EFCAB6: variants seen among roughly 807,000 people sequenced by gnomAD.
EFCAB6 encodes the protein EF-hand calcium-binding domain-containing protein 6.
In EFCAB6, 156 loss-of-function variants were observed where a neutral mutation model predicts 169.8. That is an observed-to-expected ratio of 0.92 (90% CI 0.81 to 1.05). The LOEUF is 1.05. Among genes scored for constraint, EFCAB6 ranks in the 50% least tolerant of loss-of-function variants. The pLI, the probability that EFCAB6 is intolerant of heterozygous loss-of-function variation, is 0.00. For synonymous variants in EFCAB6, 698 were observed against 676.4 expected, an observed-to-expected ratio of 1.03 and a Z score of -0.50; for missense variants, 1,800 against 1,829.1, an observed-to-expected ratio of 0.98 and a Z score of 0.29.
intron 27 of EFCAB6, chr22:43,540,590 T>C (rs2047656847): frequency 2.1e-6 from 3 of 1,458,290 alleles, no homozygotes; most frequent in East Asian, 5.5e-5. Flanking sequence ...CTGCAGGACA[T>C]TTTTTAATTG....
chr22:43,545,073 G>A (rs2047972624), intron 27 of EFCAB6, among the ~76,000 whole-genome samples: 1 of 152,148 alleles, frequency 6.6e-6, no homozygotes, highest in Non-Finnish European at 1.5e-5. Flanking sequence ...CGTGAACCCA[G>A]GAGGTGGAGC....
chr22:43,651,181 A>G (rs1414400423), intron 17 of EFCAB6, among the ~76,000 whole-genome samples: 2 of 152,154 alleles, frequency 1.3e-5, no homozygotes, highest in Non-Finnish European at 2.9e-5. Context: ...ACAGGCCTGG[A>G]GGTCTAGGAG....
intron 3 of EFCAB6, among the ~76,000 whole-genome samples, chr22:43,780,318 C>T (rs2061775770): frequency 1.3e-5 from 2 of 151,838 alleles, no homozygotes; most frequent in Admixed American, 1.3e-4. Context: ...GAAATCCTGT[C>T]TCTACTAAAA....
At chr22:43,683,612 C>A (rs934663951) in intron 12 of EFCAB6, 135 bp downstream of exon 12, 6 of 685,108 alleles carry the variant, frequency 8.8e-6, no homozygotes, top group African/African-American at 1.8e-5. Flanking sequence ...TAATTCCCAG[C>A]ATGTAACGGG....
At position 43,645,341 on chromosome 22, in the gene EFCAB6, G is replaced by GA. The variant is rs550180057; in HGVS notation, c.1984-10126dup. ...TCATTTCTTAATACACTAGAAAGAGGAAAAAAAGTACGCAAGTCCAAGTCT... is the reference window on the plus strand; with the variant it reads ...TCATTTCTTAATACACTAGAAAGAGGAAAAAAAAGTACGCAAGTCCAAGTCT... On this transcript the variant is annotated intron_variant, in intron 17 of 31. Transcript: ENST00000262726. Among the ~76,000 whole-genome samples the GA allele has an allele frequency of 3.8e-4, 58 of 152,212 alleles. 1 individual carries two copies. In the South Asian group the frequency reaches 0.011, roughly 29 times the overall value.
At chr22:43,740,759 C>T (rs1237703109) in intron 6 of EFCAB6, among the ~76,000 whole-genome samples, 1 of 152,206 alleles carries the variant, frequency 6.6e-6, no homozygotes, top group African/African-American at 2.4e-5. Flanking sequence ...TCCACTCCAC[C>T]GCTCTGCCTG....
chr22:43,551,238 C>T (rs2048360280), intron 27 of EFCAB6, among the ~76,000 whole-genome samples: 1 of 152,186 alleles, frequency 6.6e-6, no homozygotes, highest in Non-Finnish European at 1.5e-5. Flanking sequence ...AGAAGGTCCC[C>T]AGCAAAGTAA....
At chr22:43,677,744 A>T (rs762924572) in intron 13 of EFCAB6, among the ~76,000 whole-genome samples, 2 of 152,148 alleles carry the variant, frequency 1.3e-5, no homozygotes, top group Non-Finnish European at 2.9e-5. Context: ...CGCCAGTTAC[A>T]TCCTGTATAT....
In EFCAB6 at chr22:43,795,004, A is replaced by G. The variant is rs532261239; in HGVS notation, c.-7-12679T>C. Among the ~76,000 whole-genome samples the G allele has an allele frequency of 1.4e-4, 22 of 152,284 alleles. No homozygotes were observed. In the South Asian group the frequency reaches 3.3e-3, roughly 23 times the overall value. On this transcript the variant is annotated intron_variant, in intron 2 of 31. Coordinates refer to ENST00000262726, the MANE Select transcript of EFCAB6 (RefSeq NM_022785.4). This position sits in a 1 kb window ranked among gnomAD's most constrained non-coding sequence, Gnocchi z 4.2. ...CACTATGGCCACGCATTTGGGACAC[A>G]GTCTCCCTCCACCAAGGAGCTCCCC...
At chr22:43,733,746 G>A in intron 7 of EFCAB6, among the ~76,000 whole-genome samples, 1 of 152,044 alleles carries the variant, frequency 6.6e-6, no homozygotes, top group East Asian at 1.9e-4. Context: ...GTCTCGCTCT[G>A]TTGCCAGGCT....
chr22:43,626,302 T>C (rs1602705025), intron 20 of EFCAB6, 145 bp downstream of exon 20: 2 of 790,528 alleles, frequency 2.5e-6, no homozygotes, highest in East Asian at 5.4e-5. Flanking sequence ...TGCATATTTC[T>C]TGTATGACTT....
chr22:43,554,843 G>A, intron 27 of EFCAB6, 26 bp downstream of exon 27: 1 of 1,604,142 alleles, frequency 6.2e-7, no homozygotes, highest in Non-Finnish European at 8.5e-7. Context: ...CGGTGTGCAG[G>A]GTGAGGACTG....
chr22:43,682,998 G>T (rs1462666607), intron 12 of EFCAB6, among the ~76,000 whole-genome samples: 1 of 152,078 alleles, frequency 6.6e-6, no homozygotes, highest in South Asian at 2.1e-4. Flanking sequence ...TCTCCCTGGG[G>T]CACCACCCTC....
chr22:43,596,898 C>A (rs2052055282), intron 23 of EFCAB6, among the ~76,000 whole-genome samples: 1 of 152,118 alleles, frequency 6.6e-6, no homozygotes. Context: ...GGCATAAAAG[C>A]AGACACAAAG....
chr22:43,703,754 C>T lies in EFCAB6; in HGVS notation c.1031+7721G>A, dbSNP rs377172012. On this transcript the variant is annotated intron_variant, in intron 10 of 31. Transcript: ENST00000262726. Reference sequence around the variant, plus strand: ...CAACCAAAAGCTTCAACAGCATGCTCATTCAAGCTGAAGAAGGAATCAATG... The same window carrying T: ...CAACCAAAAGCTTCAACAGCATGCTTATTCAAGCTGAAGAAGGAATCAATG... 6.7e-4 allele frequency among the ~76,000 whole-genome samples: 102 copies of T among 151,348 alleles called. 2 individuals are homozygous for T. In the South Asian group the frequency reaches 0.021, roughly 31 times the overall value.
At chr22:43,751,711 G>A (rs892560050) in intron 6 of EFCAB6, among the ~76,000 whole-genome samples, 6 of 152,220 alleles carry the variant, frequency 3.9e-5, no homozygotes, top group Non-Finnish European at 7.3e-5. Flanking sequence ...CCACCGACTT[G>A]TGCGGTGATG....
At chr22:43,629,585 G>T (rs143925023) in intron 19 of EFCAB6, among the ~76,000 whole-genome samples, 1 of 152,148 alleles carries the variant, frequency 6.6e-6, no homozygotes, top group Admixed American at 6.5e-5. Context: ...AAATGGCTCG[G>T]GGCTCACTGT....
At chr22:43,642,807 G>T (rs1043620505) in intron 17 of EFCAB6, among the ~76,000 whole-genome samples, 1 of 152,156 alleles carries the variant, frequency 6.6e-6, no homozygotes, top group South Asian at 2.1e-4. Flanking sequence ...TGCACAGGCC[G>T]CAGGATATTG....
intron 2 of EFCAB6, among the ~76,000 whole-genome samples, chr22:43,805,809 T>G (rs1435247583): frequency 6.6e-6 from 1 of 152,198 alleles, no homozygotes; most frequent in Non-Finnish European, 1.5e-5. Flanking sequence ...AATTATCCCA[T>G]GTACCCTGGA....
Sources: allele counts gnomAD v4.1 joint callset (sites outside exome capture counted in the v4.1 genomes callset), GRCh38; gene constraint gnomAD v4.1.1; non-coding constraint Gnocchi (gnomAD v3.1); transcripts MANE v1.5; gene names NCBI Gene and HGNC (gene_info 2026-07-23, HGNC 2026-07-21).